The following RNF128 variants were observed in gnomAD, a reference collection of about 807,000 sequenced individuals.
RNF128 encodes the protein E3 ubiquitin-protein ligase RNF128.
A neutral mutation model predicts 26.2 loss-of-function variants in RNF128; 13 were observed. The ratio of observed to expected loss-of-function variants is 0.50; its 90% CI spans 0.32 to 0.79. RNF128 has a LOEUF of 0.79. Among genes scored for constraint, RNF128 ranks in the 30% least tolerant of loss-of-function variants. The pLI is 0.03. For synonymous variants in RNF128, 149 were observed against 142.5 expected, an observed-to-expected ratio of 1.05 and a Z score of -0.32; for missense variants, 315 against 349.7, an observed-to-expected ratio of 0.90 and a Z score of 0.79.
intron 1 of RNF128, among the ~76,000 whole-genome samples, chrX:106,729,692 G>A (rs1263185899): frequency 9.0e-6 from 1 of 111,551 alleles, no homozygotes; most frequent in Admixed American, 9.5e-5. Flanking sequence ...TTGCCATCAA[G>A]CTAACTAGAT....
chrX:106,746,266 A>G (rs961519757), intron 1 of RNF128, among the ~76,000 whole-genome samples: 1 of 111,195 alleles, frequency 9.0e-6, no homozygotes, highest in African/African-American at 3.3e-5. Flanking sequence ...AAGAGATACT[A>G]GAACAGCTTC....
intron 1 of RNF128, among the ~76,000 whole-genome samples, chrX:106,703,030 A>T (rs956246431): frequency 8.0e-5 from 9 of 112,229 alleles, no homozygotes; most frequent in African/African-American, 2.9e-4. Flanking sequence ...TTTTAATGAC[A>T]TATATTCTCA....
At chrX:106,697,670 C>A (rs193159541) in intron 1 of RNF128, among the ~76,000 whole-genome samples, 1 of 111,787 alleles carries the variant, frequency 8.9e-6, no homozygotes, top group Non-Finnish European at 1.9e-5. Context: ...GATTTAAATA[C>A]AGAATGTCCT....
intron 1 of RNF128, among the ~76,000 whole-genome samples, chrX:106,712,108 A>C (rs961299544): frequency 2.7e-5 from 3 of 112,463 alleles, no homozygotes; most frequent in African/African-American, 9.7e-5. Flanking sequence ...ACTTTCTTTG[A>C]TCACTCAACA....
chrX:106,772,378 A>G (rs758650708), intron 1 of RNF128, among the ~76,000 whole-genome samples: 2 of 111,947 alleles, frequency 1.8e-5, no homozygotes, highest in East Asian at 5.6e-4. Flanking sequence ...ATGGTACATC[A>G]TGGACATATG....
At chrX:106,710,375 A>G (rs967710859) in intron 1 of RNF128, among the ~76,000 whole-genome samples, 2 of 112,508 alleles carry the variant, frequency 1.8e-5, no homozygotes, top group African/African-American at 3.2e-5. Flanking sequence ...AACTCAGAGA[A>G]CTACAGTTTA....
At chrX:106,707,355 TA>T (rs1929059842) in intron 1 of RNF128, among the ~76,000 whole-genome samples, 1 of 111,050 alleles carries the variant, frequency 9.0e-6, no homozygotes, top group Non-Finnish European at 1.9e-5. Context: ...TGCCTTCCTC[TA>T]ACTTTCACAC....
intron 1 of RNF128, among the ~76,000 whole-genome samples, chrX:106,714,144 C>A (rs1158141283): frequency 8.7e-5 from 9 of 103,874 alleles, no homozygotes; most frequent in Admixed American, 2.0e-4. Context: ...CATCACTGCA[C>A]TCCAGCCTGG....
At chrX:106,705,853 A>G (rs1425205767) in intron 1 of RNF128, among the ~76,000 whole-genome samples, 1 of 111,977 alleles carries the variant, frequency 8.9e-6, no homozygotes, top group Non-Finnish European at 1.9e-5. Flanking sequence ...AAGCCAGGAT[A>G]TGCAAAATGA....
intron 1 of RNF128, among the ~76,000 whole-genome samples, chrX:106,755,848 C>T (rs1929998117): frequency 9.1e-6 from 1 of 110,330 alleles, no homozygotes; most frequent in Non-Finnish European, 1.9e-5. Flanking sequence ...ATTGTCTCAG[C>T]CCAAAATCTC....
chrX:106,771,853 A>G (rs1227718821), intron 1 of RNF128, among the ~76,000 whole-genome samples: 3 of 112,388 alleles, frequency 2.7e-5, no homozygotes, highest in Non-Finnish European at 3.8e-5. Flanking sequence ...AGCTGTTCCT[A>G]TTCGGCCATC....
At chrX:106,756,116 A>G (rs1193644346) in intron 1 of RNF128, among the ~76,000 whole-genome samples, 6 of 111,520 alleles carry the variant, frequency 5.4e-5, no homozygotes, top group African/African-American at 1.3e-4. Context: ...AACATTCCAT[A>G]CTCATGGGTA....
intron 4 of RNF128, among the ~76,000 whole-genome samples, chrX:106,789,554 C>CATTATACACTA (rs1930781582): frequency 4.9e-5 from 2 of 40,843 alleles, no homozygotes; most frequent in African/African-American, 7.5e-5. Flanking sequence ...ATAATATATA[C>CATTATACACTA]TATATAATAT....
chrX:106,760,434 A>G (rs1930099101), intron 1 of RNF128, among the ~76,000 whole-genome samples: 1 of 111,863 alleles, frequency 8.9e-6, no homozygotes, highest in East Asian at 2.8e-4. Context: ...CTGCAATGTG[A>G]TATCACTTCA....
chrX:106,735,084 C>T (rs1394651695), intron 1 of RNF128, among the ~76,000 whole-genome samples: 1 of 111,525 alleles, frequency 9.0e-6, no homozygotes, highest in Non-Finnish European at 1.9e-5. Context: ...TGTGTATGTC[C>T]TTCCATGCAC....
At chrX:106,762,735 G>C (rs1930141417) in intron 1 of RNF128, among the ~76,000 whole-genome samples, 1 of 110,625 alleles carries the variant, frequency 9.0e-6, no homozygotes, top group African/African-American at 3.3e-5. Flanking sequence ...CATGGATGGA[G>C]CTGGAGGCCA....
At chrX:106,782,186 G>A (rs1273803167) in intron 2 of RNF128, among the ~76,000 whole-genome samples, 2 of 112,501 alleles carry the variant, frequency 1.8e-5, no homozygotes, top group Non-Finnish European at 3.8e-5. Flanking sequence ...TTCCCCAACT[G>A]TGTGATACAG....
chrX:106,788,335 T>C (rs1380012281), intron 4 of RNF128, among the ~76,000 whole-genome samples: 2 of 54,462 alleles, frequency 3.7e-5, no homozygotes, highest in Non-Finnish European at 6.1e-5. Flanking sequence ...TTATATATAC[T>C]ATATATAATA....
chrX:106,755,826 C>T (rs1179050114), intron 1 of RNF128, among the ~76,000 whole-genome samples: 3 of 110,394 alleles, frequency 2.7e-5, no homozygotes, highest in Non-Finnish European at 5.7e-5. Flanking sequence ...GATTGTATAT[C>T]TAGAAAACCC....
Sources: allele counts gnomAD v4.1 joint callset (sites outside exome capture counted in the v4.1 genomes callset), GRCh38; gene constraint gnomAD v4.1.1; transcripts MANE v1.5; gene names NCBI Gene and HGNC (gene_info 2026-07-23, HGNC 2026-07-21).